CTNNBL1: variants seen among roughly 807,000 people sequenced by gnomAD.
CTNNBL1 encodes beta-catenin-like protein 1.
CTNNBL1 carries 31 observed loss-of-function variants against 72.7 expected under a neutral mutation model. That is an observed-to-expected ratio of 0.43 (90% CI 0.32 to 0.58). The LOEUF (loss-of-function observed/expected upper bound fraction) is 0.58, where lower values mean the gene tolerates loss of function less well. CTNNBL1 is among the 20% of genes least tolerant of loss of function. The pLI is 0.08. For synonymous variants in CTNNBL1, 240 were observed against 267.3 expected, an observed-to-expected ratio of 0.90 and a Z score of 1.00; for missense variants, 534 against 725.1, an observed-to-expected ratio of 0.74 and a Z score of 3.03.
intron 10 of CTNNBL1, among the ~76,000 whole-genome samples, chr20:37,780,213 G>A (rs1304671656): frequency 6.6e-6 from 1 of 151,250 alleles, no homozygotes; most frequent in Non-Finnish European, 1.5e-5. Flanking sequence ...AAAACTTCAA[G>A]TATACTGAAA....
At position 37,789,447 on chromosome 20, in the gene CTNNBL1, C is replaced by T. The variant is rs189297826; in HGVS notation, c.1031+10112C>T. ...AGTAAAATAAAATTCAGAAAAGTCA[C>T]AATTTATTGTGCTGTTTAACAAAGT... is the stretch of plus-strand genomic sequence containing the variant. On this transcript the variant is annotated intron_variant, in intron 10 of 15. Coordinates refer to ENST00000361383, the MANE Select transcript of CTNNBL1 (RefSeq NM_030877.5). Among the ~76,000 whole-genome samples the T allele has an allele frequency of 8.5e-5, 13 of 152,262 alleles. No individual in the cohort carries two copies. The East Asian group carries it at 1.5e-3, about 18-fold the overall frequency.
At chr20:37,757,486 G>A (rs1310613852) in intron 4 of CTNNBL1, 73 bp from the exon 5 acceptor site, 5 of 1,016,100 alleles carry the variant, frequency 4.9e-6, no homozygotes, top group Admixed American at 2.0e-5. Context: ...ATGAGGAAAC[G>A]GAAGGGAATC....
chr20:37,832,435 C>A (rs1386158110), intron 11 of CTNNBL1: 1 of 152,174 alleles, frequency 6.6e-6, no homozygotes, highest in Non-Finnish European at 1.5e-5. Context: ...ATACACATAC[C>A]TCATTTGAAA....
chr20:37,860,249 C>G, intron 14 of CTNNBL1, 23 bp from the exon 15 acceptor site: 1 of 1,602,836 alleles, frequency 6.2e-7, no homozygotes, highest in Non-Finnish European at 8.5e-7. Context: ...CTTTCTTTCT[C>G]TACCCATTTT....
rs1418919341 is a variant in CTNNBL1 at position 37,840,162 on chromosome 20, G to A, written c.1274G>A (p.Arg425Gln). 1 of 1,613,692 alleles carries A rather than the reference G, an allele frequency of 6.2e-7. No homozygotes were observed. The highest frequency in any genetic ancestry group is 1.7e-5 in the Admixed American group (1 of 59,986). Residue 425 changes from arginine to glutamine, a missense_variant, in exon 12 of 16, where the codon CGG becomes CAG. Coordinates refer to ENST00000361383, the MANE Select transcript of CTNNBL1 (RefSeq NM_030877.5). Reference sequence around the variant, plus strand: ...AACCTGAGAGGGCAGCAGCGGACCCGGCTTCTGAATAAATTCACTGAAAAT... The same window carrying A: ...AACCTGAGAGGGCAGCAGCGGACCCAGCTTCTGAATAAATTCACTGAAAAT... Reference protein sequence around the residue: ...LRNLRGQQRTRLLNKFTENDS... With the variant: ...LRNLRGQQRTQLLNKFTENDS...
At chr20:37,797,935 A>G (rs2073792889) in intron 10 of CTNNBL1, among the ~76,000 whole-genome samples, 1 of 152,186 alleles carries the variant, frequency 6.6e-6, no homozygotes, top group South Asian at 2.1e-4. Flanking sequence ...TGCGTATCCA[A>G]GAAAAACATC....
rs138853894 is a variant in CTNNBL1, at chr20:37,813,442, A to G, written c.1213+10394A>G. 2.8e-3 allele frequency among the ~76,000 whole-genome samples: 431 copies of G among 152,356 alleles called. 3 individuals are homozygous for G. Among genetic ancestry groups the G allele is most frequent in the African/African-American group, 9.2e-3 (384 of 41,580 alleles). On this transcript the variant is annotated intron_variant, in intron 11 of 15. Coordinates refer to ENST00000361383, the MANE Select transcript of CTNNBL1 (RefSeq NM_030877.5). The stretch of plus-strand genomic sequence containing the variant: ...GGACTCTTCCAAAGTTTTACAGGTC[A>G]TAGGTATAGTACTAATTTCAGTTAT...
chr20:37,860,470 C>G, intron 15 of CTNNBL1, 126 bp downstream of exon 15: 1 of 762,126 alleles, frequency 1.3e-6, no homozygotes, highest in Non-Finnish European at 2.3e-6. Context: ...AAGTTGTTGT[C>G]CATTTCACTG....
At chr20:37,826,942 T>A (rs1182675365) in intron 11 of CTNNBL1, among the ~76,000 whole-genome samples, 2 of 152,242 alleles carry the variant, frequency 1.3e-5, no homozygotes, top group African/African-American at 4.8e-5. Context: ...CAAACCATGT[T>A]AAGATACAGA....
chr20:37,779,506 T>C (rs894898872), intron 10 of CTNNBL1, among the ~76,000 whole-genome samples, 171 bp downstream of exon 10: 3 of 152,104 alleles, frequency 2.0e-5, no homozygotes, highest in African/African-American at 7.2e-5. Context: ...GTATGTGGTC[T>C]TTCCTAAAGT....
Position 37,840,312 on chromosome 20 carries a change from T to C in CTNNBL1, c.1311+113T>C, listed in dbSNP as rs563323919. Reference sequence around the variant, plus strand: ...GGTCCTACCCTAAAATTCTCTTTTCTGGCACCTGGGCCCTGTTGCTTTGCG... The same window carrying C: ...GGTCCTACCCTAAAATTCTCTTTTCCGGCACCTGGGCCCTGTTGCTTTGCG... On this transcript the variant is annotated intron_variant, in intron 12 of 15. Coordinates refer to ENST00000361383, the MANE Select transcript of CTNNBL1 (RefSeq NM_030877.5). 2.3e-4 allele frequency: 173 copies of C among 757,794 alleles called. No homozygotes were observed. In the African/African-American group the frequency reaches 2.7e-3, roughly 12 times the overall value. 46.9% of individuals were successfully genotyped at this position (757,794 alleles called of 1,614,324 possible).
chr20:37,815,259 G>C (rs2072045917), intron 11 of CTNNBL1, among the ~76,000 whole-genome samples: 1 of 152,004 alleles, frequency 6.6e-6, no homozygotes, highest in South Asian at 2.1e-4. Context: ...TTAGGATGTG[G>C]AGGTAATAGC....
intron 15 of CTNNBL1, among the ~76,000 whole-genome samples, chr20:37,871,012 A>G (rs1041746628): frequency 1.3e-5 from 2 of 152,190 alleles, no homozygotes; most frequent in African/African-American, 4.8e-5. Flanking sequence ...CTCACTAGAA[A>G]GTAGGCTCCA....
At chr20:37,743,226 G>T (rs1409553467) in intron 3 of CTNNBL1, among the ~76,000 whole-genome samples, 1 of 151,510 alleles carries the variant, frequency 6.6e-6, no homozygotes, top group Non-Finnish European at 1.5e-5. Context: ...CCTTTTGTCA[G>T]GTTGTTCTCC....
intron 4 of CTNNBL1, among the ~76,000 whole-genome samples, chr20:37,752,673 C>T (rs1362780628): frequency 6.6e-6 from 1 of 151,686 alleles, no homozygotes; most frequent in East Asian, 1.9e-4. Context: ...AACAAATATC[C>T]ACAGCCAAAA....
chr20:37,722,532 G>T (rs189411568), intron 1 of CTNNBL1, among the ~76,000 whole-genome samples: 340 of 151,602 alleles, frequency 2.2e-3, no homozygotes, highest in African/African-American at 7.7e-3. Context: ...AAAGTCTGTT[G>T]TATATACAGG....
In CTNNBL1 at chr20:37,768,029, G is replaced by C. The variant is rs767727962; in HGVS notation, c.735G>C (p.Leu245=). The C allele has an allele frequency of 6.2e-7, 1 of 1,613,880 alleles. No individual in the cohort carries two copies. The highest frequency in any genetic ancestry group is 1.3e-5 in the African/African-American group (1 of 74,888). Residue 245 remains leucine (L), a synonymous_variant, in exon 7 of 16, where the codon CTG becomes CTC. Transcript: ENST00000361383. ...CCCAGCAGGGTCTTCTACAGTGGCT[G>C]TTGAAGAGGCTGAAGGTGAGTTTGG... ...EGAQQGLLQW[L]LKRLKAKMPF...
chr20:37,726,578 A>G (rs1270431344), intron 1 of CTNNBL1, among the ~76,000 whole-genome samples: 1 of 152,150 alleles, frequency 6.6e-6, no homozygotes, highest in African/African-American at 2.4e-5. Flanking sequence ...CTGTTGTTTG[A>G]TATCTAGGAA....
At chr20:37,868,173 G>A (rs1053321019) in intron 15 of CTNNBL1, among the ~76,000 whole-genome samples, 3 of 152,210 alleles carry the variant, frequency 2.0e-5, no homozygotes, top group Non-Finnish European at 2.9e-5. Flanking sequence ...TCCTGTTTTG[G>A]AATGCTCACA....
Sources: allele counts gnomAD v4.1 joint callset (sites outside exome capture counted in the v4.1 genomes callset), GRCh38; gene constraint gnomAD v4.1.1; transcripts MANE v1.5; gene names NCBI Gene and HGNC (gene_info 2026-07-23, HGNC 2026-07-21).